The following TOX variants were observed in gnomAD, a reference collection of about 807,000 sequenced individuals.
The protein encoded by TOX is thymocyte selection-associated high mobility group box protein TOX.
Under a neutral mutation model 53.7 loss-of-function variants are expected in TOX, and 11 were observed. The ratio of observed to expected loss-of-function variants is 0.20; its 90% CI spans 0.13 to 0.34. The LOEUF (loss-of-function observed/expected upper bound fraction) is 0.34, where lower values mean the gene tolerates loss of function less well. Among genes scored for constraint, TOX ranks in the 10% least tolerant of loss-of-function variants. The pLI, the probability that TOX is intolerant of heterozygous loss-of-function variation, is 1.00. For synonymous variants in TOX, 225 were observed against 245.3 expected (o/e 0.92, Z 0.77); for missense variants, 570 against 664.6 (o/e 0.86, Z 1.56).
At chr8:59,066,870 T>C (rs1804102954) in intron 1 of TOX, among the ~76,000 whole-genome samples, 1 of 152,230 alleles carries the variant, frequency 6.6e-6, no homozygotes, top group Non-Finnish European at 1.5e-5. Flanking sequence ...CAAAAGCTCA[T>C]TATGACTAAA....
At chr8:58,870,694 A>G (rs1039843630) in intron 3 of TOX, among the ~76,000 whole-genome samples, 2 of 152,092 alleles carry the variant, frequency 1.3e-5, no homozygotes, top group Non-Finnish European at 2.9e-5. Context: ...ACATAGATCA[A>G]TGGAACAGAA....
At chr8:58,891,206 C>A (rs1049239594) in intron 3 of TOX, among the ~76,000 whole-genome samples, 2 of 151,586 alleles carry the variant, frequency 1.3e-5, no homozygotes, top group African/African-American at 4.9e-5. Flanking sequence ...AATAAAAGAC[C>A]TAAACACATT....
chr8:58,953,379 T>G (rs1178363660), intron 2 of TOX, among the ~76,000 whole-genome samples: 2 of 152,176 alleles, frequency 1.3e-5, no homozygotes, highest in East Asian at 3.8e-4. Context: ...GAAGCCAATT[T>G]AGGAAGAAAA....
At chr8:58,981,745 T>C (rs1813209639) in intron 1 of TOX, among the ~76,000 whole-genome samples, 1 of 152,124 alleles carries the variant, frequency 6.6e-6, no homozygotes, top group South Asian at 2.1e-4. Flanking sequence ...TTAATTCTCC[T>C]CCTCTTCATC....
chr8:59,058,876 T>C (rs918990066), intron 1 of TOX, among the ~76,000 whole-genome samples: 2 of 152,196 alleles, frequency 1.3e-5, no homozygotes, highest in African/African-American at 4.8e-5. Flanking sequence ...TTTCTCTCAA[T>C]GAAGAAAGTT....
chr8:59,033,052 GA>G (rs1244813139), intron 1 of TOX, among the ~76,000 whole-genome samples: 1 of 150,248 alleles, frequency 6.7e-6, no homozygotes, highest in African/African-American at 2.4e-5. Flanking sequence ...AAAAAGAAAA[GA>G]AAAGAAAACA....
chr8:58,860,679 C>A (rs1261315349), intron 3 of TOX, among the ~76,000 whole-genome samples: 1 of 152,106 alleles, frequency 6.6e-6, no homozygotes, highest in East Asian at 1.9e-4. Context: ...TCTATGGGGA[C>A]CTTCCCTGGG....
chr8:59,002,986 T>A (rs7825895), intron 1 of TOX, among the ~76,000 whole-genome samples: 48,297 of 152,084 alleles, frequency 0.32, 8,739 homozygotes, highest in African/African-American at 0.49. Flanking sequence ...CTGTGTTATA[T>A]TGAAACCTGT....
At chr8:58,986,694 A>G (rs1366492614) in intron 1 of TOX, among the ~76,000 whole-genome samples, 2 of 152,232 alleles carry the variant, frequency 1.3e-5, no homozygotes, top group Admixed American at 6.5e-5. Flanking sequence ...GCAGCCTCCA[A>G]GGGAATCAGA....
intron 3 of TOX, among the ~76,000 whole-genome samples, chr8:58,890,512 A>G (rs1180880779): frequency 6.6e-6 from 1 of 152,152 alleles, no homozygotes; most frequent in Non-Finnish European, 1.5e-5. Context: ...TATATGAGGA[A>G]CAAGTTGAGA....
intron 1 of TOX, among the ~76,000 whole-genome samples, chr8:59,014,780 T>C (rs1261152253): frequency 6.6e-6 from 1 of 152,208 alleles, no homozygotes; most frequent in Non-Finnish European, 1.5e-5. Flanking sequence ...GAATTATGCA[T>C]AGCAGAATGG....
chr8:58,817,611 G>A (rs1810202930), intron 6 of TOX, among the ~76,000 whole-genome samples: 1 of 152,188 alleles, frequency 6.6e-6, no homozygotes, highest in African/African-American at 2.4e-5. Flanking sequence ...AAGTCTGTGT[G>A]TTTAAGTAAT....
rs553140012 is a variant in TOX at position 58,899,005 on chromosome 8, AG to A, written c.411+40296del. On this transcript the variant is annotated intron_variant, in intron 3 of 8. Coordinates refer to ENST00000361421, the MANE Select transcript of TOX (RefSeq NM_014729.3). ...GTACCTTGGCTGAGGTGGCATAATC[AG>A]GGTGCAGCCCTGCCCTGGTCTCATT... Among the ~76,000 whole-genome samples, 221 of 152,318 alleles carry A rather than the reference AG, an allele frequency of 1.5e-3. 1 individual carries two copies. Among genetic ancestry groups the A allele is most frequent in the African/African-American group, 4.9e-3 (205 of 41,576 alleles).
intron 1 of TOX, among the ~76,000 whole-genome samples, chr8:59,041,043 T>G (rs1016409608): frequency 2.7e-5 from 4 of 150,768 alleles, no homozygotes; most frequent in Non-Finnish European, 4.4e-5. Context: ...CCTTTGACCA[T>G]CAGCAGGAGG....
chr8:58,921,188 T>G (rs1466596857), intron 3 of TOX, among the ~76,000 whole-genome samples: 1 of 152,230 alleles, frequency 6.6e-6, no homozygotes. Flanking sequence ...CTTGAACAAG[T>G]GCAAGCTATA....
intron 1 of TOX, among the ~76,000 whole-genome samples, chr8:59,107,334 C>T (rs1423909210): frequency 6.6e-6 from 1 of 152,062 alleles, no homozygotes; most frequent in Non-Finnish European, 1.5e-5. Context: ...TTCTGTTGAA[C>T]ATCTAATCAA....
Position 59,091,211 on chromosome 8 carries a change from A to G in TOX, c.102+27675T>C, listed in dbSNP as rs576912290. On this transcript the variant is annotated intron_variant, in intron 1 of 8. Coordinates refer to ENST00000361421, the MANE Select transcript of TOX (RefSeq NM_014729.3). ...CTCCGTCCACCACTGCCTGACTCCC[A>G]GCCTCAGCACTCTATTCAAACTACC... Among the ~76,000 whole-genome samples the G allele has an allele frequency of 2.6e-5, 4 of 152,228 alleles. No homozygotes were observed. The East Asian group carries it at 7.7e-4, about 29-fold the overall frequency.
chr8:59,063,850 T>A (rs1227869355), intron 1 of TOX, among the ~76,000 whole-genome samples: 2 of 152,158 alleles, frequency 1.3e-5, no homozygotes, highest in Non-Finnish European at 2.9e-5. Flanking sequence ...CATATCTAAG[T>A]AAAGAAAAGC....
chr8:58,819,667 A>G (rs1179835879), intron 6 of TOX, among the ~76,000 whole-genome samples: 2 of 152,250 alleles, frequency 1.3e-5, no homozygotes. Context: ...TTTACTTTGT[A>G]TAATGAAGAT....
Sources: gnomAD v4.1 joint callset for allele counts (sites outside exome capture counted in the v4.1 genomes callset) on GRCh38, gnomAD v4.1.1 for gene constraint, MANE v1.5 for transcripts, NCBI Gene and HGNC (gene_info 2026-07-23, HGNC 2026-07-21) for gene names.